The following LINC01488 variants were observed in gnomAD, a reference collection of about 807,000 sequenced individuals.
LINC01488 encodes the protein long independently transcribed non-coding RNA 1488.
chr11:69,487,634 G>T (rs969139068), intron 1 of LINC01488, among the ~76,000 whole-genome samples: 1 of 152,180 alleles, frequency 6.6e-6, no homozygotes, highest in African/African-American at 2.4e-5. Context: ...CTTGTGGGTC[G>T]TGGAATTTCT....
intron 1 of LINC01488, among the ~76,000 whole-genome samples, chr11:69,487,347 G>C (rs572488348): frequency 9.3e-4 from 141 of 152,314 alleles, no homozygotes; most frequent in African/African-American, 3.1e-3. Context: ...AGGCCACCAG[G>C]GCCCTCGAAA....
At chr11:69,482,441 C>T (rs1857056263) in intron 1 of LINC01488, among the ~76,000 whole-genome samples, 2 of 148,796 alleles carry the variant, frequency 1.3e-5, no homozygotes, top group Middle Eastern at 3.8e-3. Flanking sequence ...GATGGATGGA[C>T]GAGTGGATGG....
rs1454182509 is a variant in LINC01488 at position 69,483,144 on chromosome 11, C to T, written n.122+1361C>T. ...GGGTACTCATGACTTCCCAGAGTCC[C>T]AGCAATGCTACCCAGAGCAGGTCTG... On this transcript the variant is annotated intron_variant and non_coding_transcript_variant, in intron 1 of 3. Transcript: ENST00000644563. 3.3e-5 allele frequency among the ~76,000 whole-genome samples: 5 copies of T among 152,154 alleles called. No homozygotes were observed. The East Asian group carries it at 9.6e-4, about 29-fold the overall frequency.
chr11:69,484,284 C>T (rs1282478870), intron 1 of LINC01488, among the ~76,000 whole-genome samples: 1 of 152,172 alleles, frequency 6.6e-6, no homozygotes, highest in Non-Finnish European at 1.5e-5. Context: ...GGTGAGAGGA[C>T]ACAGAGGCTC....
intron 3 of LINC01488, chr11:69,492,087 TCA>T (rs1368218074): frequency 6.6e-6 from 1 of 152,246 alleles, no homozygotes; most frequent in Non-Finnish European, 1.5e-5. Context: ...AGGCTTGGTC[TCA>T]CATTTTCCCA....
chr11:69,483,101 C>T (rs910020635), intron 1 of LINC01488, among the ~76,000 whole-genome samples: 2 of 152,184 alleles, frequency 1.3e-5, no homozygotes, highest in African/African-American at 2.4e-5. Context: ...TTCTGAGGTC[C>T]GTGGAAGGAG....
At chr11:69,483,949 C>G (rs182055410) in intron 1 of LINC01488, among the ~76,000 whole-genome samples, 6 of 152,200 alleles carry the variant, frequency 3.9e-5, no homozygotes, top group Admixed American at 3.9e-4. Flanking sequence ...GGCAGCCGAG[C>G]CAAGGGCCCC....
At chr11:69,485,780 C>T (rs2134967801) in intron 1 of LINC01488, 1 of 152,412 alleles carries the variant, frequency 6.6e-6, no homozygotes, top group Non-Finnish European at 1.5e-5. Flanking sequence ...TCCTCCAGGC[C>T]TTCTGCTGCC....
At chr11:69,491,370 G>T (rs1207665414) in exon 3 of LINC01488, 1 of 152,294 alleles carries the variant, frequency 6.6e-6, no homozygotes, top group African/African-American at 2.4e-5. Flanking sequence ...CCATGAACTT[G>T]GACCTTCTGG....
At chr11:69,481,671 G>A (rs1194656158) in exon 1 of LINC01488, 1 of 152,390 alleles carries the variant, frequency 6.6e-6, no homozygotes, top group African/African-American at 2.4e-5. Flanking sequence ...CTGTGGGGCA[G>A]AGGGCAGCCT....
At chr11:69,487,098 C>T (rs563112301) in intron 1 of LINC01488, among the ~76,000 whole-genome samples, 34 of 152,368 alleles carry the variant, frequency 2.2e-4, no homozygotes, top group African/African-American at 3.8e-4. Flanking sequence ...GGGCGGCTGC[C>T]GCCTCCCGCA....
At chr11:69,484,235 A>G (rs1463995519) in intron 1 of LINC01488, among the ~76,000 whole-genome samples, 1 of 152,188 alleles carries the variant, frequency 6.6e-6, no homozygotes. Flanking sequence ...CATGGCCTCC[A>G]GACAGGAGGT....
chr11:69,484,178 T>C (rs554491558), intron 1 of LINC01488, among the ~76,000 whole-genome samples: 142 of 152,078 alleles, frequency 9.3e-4, no homozygotes, highest in Non-Finnish European at 1.4e-3. Context: ...AGCTTCGAGA[T>C]AGAGAGCGAC....
At chr11:69,489,401 G>A (rs1326624687) in intron 1 of LINC01488, among the ~76,000 whole-genome samples, 1 of 152,246 alleles carries the variant, frequency 6.6e-6, no homozygotes, top group Non-Finnish European at 1.5e-5. Context: ...CCCAACATGG[G>A]CTGAGAGGGG....
intron 1 of LINC01488, among the ~76,000 whole-genome samples, chr11:69,483,241 C>G (rs1857065496): frequency 1.3e-5 from 2 of 152,340 alleles, no homozygotes; most frequent in African/African-American, 4.8e-5. Flanking sequence ...GACTCCGAGT[C>G]CTCTGCCCCA....
intron 1 of LINC01488, among the ~76,000 whole-genome samples, chr11:69,484,187 A>G (rs1226000934): frequency 6.6e-6 from 1 of 152,134 alleles, no homozygotes; most frequent in Non-Finnish European, 1.5e-5. Context: ...ATAGAGAGCG[A>G]CCTCAGAACA....
At chr11:69,482,888 G>T (rs1404617890) in intron 1 of LINC01488, among the ~76,000 whole-genome samples, 3 of 152,132 alleles carry the variant, frequency 2.0e-5, no homozygotes, top group African/African-American at 7.2e-5. Context: ...GTTCCTCTAT[G>T]TGGGTCCGTA....
At chr11:69,492,474 CA>C (rs1857238439) in exon 4 of LINC01488, 1 of 152,454 alleles carries the variant, frequency 6.6e-6, no homozygotes, top group African/African-American at 2.4e-5. Flanking sequence ...GAGGAGGAGG[CA>C]GGGGGAGCCG....
exon 3 of LINC01488, chr11:69,491,152 A>G: frequency 6.6e-6 from 1 of 152,234 alleles, no homozygotes; most frequent in Non-Finnish European, 1.5e-5. Context: ...TGTGATGGGG[A>G]GGGTTGAGGT....
Sources: gnomAD v4.1 joint callset for allele counts (sites outside exome capture counted in the v4.1 genomes callset) on GRCh38, gnomAD v4.1.1 for gene constraint, MANE v1.5 for transcripts, NCBI Gene and HGNC (gene_info 2026-07-23, HGNC 2026-07-21) for gene names.